CPSF6: variants seen among roughly 807,000 people sequenced by gnomAD.
The protein encoded by CPSF6 is cleavage and polyadenylation specificity factor subunit 6.
CPSF6 carries 10 observed loss-of-function variants against 56.7 expected under a neutral mutation model. The observed-to-expected ratio is 0.18, with a 90% CI of 0.11 to 0.30. The LOEUF is 0.30. Among genes scored for constraint, CPSF6 ranks in the 10% least tolerant of loss-of-function variants. The pLI is 1.00. For synonymous variants in CPSF6, 248 were observed against 244.8 expected (o/e 1.01, Z -0.12); for missense variants, 419 against 722.9 (o/e 0.58, Z 4.82).
In CPSF6 at chr12:69,270,872, A is replaced by G. The variant is rs1873208699; in HGVS notation, c.*1364A>G. On this transcript the variant is annotated 3_prime_UTR_variant, in exon 10 of 10. Transcript: ENST00000435070. ...TCACTACTTCAGAAATTTGACTTAA[A>G]ATTCTTGAGCACGTTAATATGTTTT... 1 of 151,732 alleles carries G rather than the reference A, an allele frequency of 6.6e-6. No homozygotes were observed. The highest frequency in any genetic ancestry group is 1.5e-5 in the Non-Finnish European group (1 of 67,696). The allele number at this position is 151,732 out of a possible 1,614,324, so 9.4% of individuals were successfully genotyped here.
At chr12:69,257,572 G>A (rs991043504) in intron 4 of CPSF6, among the ~76,000 whole-genome samples, 160 bp from the exon 5 acceptor site, 11 of 152,200 alleles carry the variant, frequency 7.2e-5, no homozygotes, top group Non-Finnish European at 2.9e-5. Flanking sequence ...CCAAATAGAT[G>A]TGAATGTTTT....
At chr12:69,248,503 A>G (rs1592794830) in intron 1 of CPSF6, among the ~76,000 whole-genome samples, 1 of 152,236 alleles carries the variant, frequency 6.6e-6, no homozygotes, top group Non-Finnish European at 1.5e-5. Flanking sequence ...GCATGGAACT[A>G]CTGCTGCAGC....
intron 1 of CPSF6, among the ~76,000 whole-genome samples, chr12:69,243,030 C>T (rs1216443268): frequency 6.6e-6 from 1 of 152,086 alleles, no homozygotes; most frequent in African/African-American, 2.4e-5. Flanking sequence ...TCGCTTGAAC[C>T]TGGGAGGCAG....
chr12:69,266,222 C>G (rs561302476), intron 9 of CPSF6, among the ~76,000 whole-genome samples: 2 of 152,156 alleles, frequency 1.3e-5, no homozygotes, highest in Admixed American at 6.5e-5. Context: ...GTTATAGCTC[C>G]CAGCCCTGTT....
chr12:69,250,981 C>A, intron 1 of CPSF6, 148 bp from the exon 2 acceptor site: 1 of 763,132 alleles, frequency 1.3e-6, no homozygotes, highest in Non-Finnish European at 2.1e-6. Flanking sequence ...AAGAATACAT[C>A]TATTGCATAA....
Position 69,258,104 on chromosome 12 carries a change from T to C in CPSF6, c.694+199T>C. On this transcript the variant is annotated intron_variant, in intron 5 of 9. Coordinates refer to ENST00000435070, the MANE Select transcript of CPSF6 (RefSeq NM_007007.3). This position sits in a 1 kb window ranked among gnomAD's most constrained non-coding sequence, Gnocchi z 4.2. The stretch of plus-strand genomic sequence containing the variant: ...CTGGAAACTAGGATTCCATGGCATA[T>C]GGGGCACAGCATAGAGGAAATACCC... 6.5e-7 allele frequency: 1 copy of C among 1,536,388 alleles called. No homozygotes were observed. Among genetic ancestry groups the C allele is most frequent in the Non-Finnish European group, 8.7e-7 (1 of 1,146,736 alleles).
At chr12:69,244,543 T>A (rs1261385938) in intron 1 of CPSF6, among the ~76,000 whole-genome samples, 2 of 149,496 alleles carry the variant, frequency 1.3e-5, no homozygotes, top group East Asian at 1.9e-4. Context: ...TTCTATTAAA[T>A]TTTTTTTTTT....
chr12:69,248,322 T>C (rs1267104561), intron 1 of CPSF6, among the ~76,000 whole-genome samples: 34 of 152,044 alleles, frequency 2.2e-4, no homozygotes, highest in Non-Finnish European at 5.9e-5. Context: ...CCTTCCATTC[T>C]TTTTTACTTT....
rs1168569905 is a variant in CPSF6 at position 69,241,540 on chromosome 12, G to A, written c.60+1834G>A. ...AATTTTAGAAGTTAAGCTTTTTTCAGTACCTCTTAATGAAATATTTTTAGG... is the reference window on the plus strand; with the variant it reads ...AATTTTAGAAGTTAAGCTTTTTTCAATACCTCTTAATGAAATATTTTTAGG... On this transcript the variant is annotated intron_variant, in intron 1 of 9. Transcript: ENST00000435070. Among the ~76,000 whole-genome samples the A allele has an allele frequency of 3.3e-5, 5 of 152,244 alleles. No individual in the cohort carries two copies. The East Asian group carries it at 9.6e-4, about 29-fold the overall frequency.
intron 1 of CPSF6, among the ~76,000 whole-genome samples, chr12:69,250,136 A>T (rs1565644530): frequency 6.6e-6 from 1 of 151,628 alleles, no homozygotes; most frequent in Admixed American, 6.6e-5. Flanking sequence ...ACATACCCAT[A>T]TTTCTTCTTT....
chr12:69,256,117 G>C (rs1244465204), intron 3 of CPSF6, among the ~76,000 whole-genome samples: 1 of 152,172 alleles, frequency 6.6e-6, no homozygotes, highest in Admixed American at 6.5e-5. Flanking sequence ...AAGAAGGCTG[G>C]TCACAAGGGA....
At chr12:69,252,259 C>T in intron 2 of CPSF6, 1 of 281,198 alleles carries the variant, frequency 3.6e-6, no homozygotes, top group South Asian at 2.7e-5. Context: ...AAAACAAACA[C>T]TTTTGTAGAG....
At chr12:69,260,266 A>G in intron 8 of CPSF6, 69 bp downstream of exon 8, 1 of 1,232,774 alleles carries the variant, frequency 8.1e-7, no homozygotes, top group Non-Finnish European at 1.1e-6. Flanking sequence ...ATACTGTGAG[A>G]CTTTAAAAGG....
Position 69,248,414 on chromosome 12 carries a change from A to G in CPSF6, c.61-2715A>G, listed in dbSNP as rs1016961010. ...CCCTTTGAATAATATTAGTAATTCT[A>G]CTTGATGTTCAGAACCGGATTGCAA... On this transcript the variant is annotated intron_variant, in intron 1 of 9. Transcript: ENST00000435070. 3.0e-4 allele frequency among the ~76,000 whole-genome samples: 45 copies of G among 152,198 alleles called. 2 individuals are homozygous for G. Among genetic ancestry groups the G allele is most frequent in the Non-Finnish European group, 4.4e-5 (3 of 68,024 alleles).
chr12:69,251,090 G>T, intron 1 of CPSF6, 39 bp from the exon 2 acceptor site: 2 of 1,558,902 alleles, frequency 1.3e-6, no homozygotes, highest in Non-Finnish European at 8.7e-7. Flanking sequence ...GTAGTATTTT[G>T]ACTTTTGTAT....
At chr12:69,260,607 C>T (rs185341107) in intron 8 of CPSF6, among the ~76,000 whole-genome samples, 3 of 152,302 alleles carry the variant, frequency 2.0e-5, no homozygotes, top group East Asian at 1.9e-4. Context: ...TTATTCTTCA[C>T]GTCTCATTCT....
chr12:69,267,267 CAG>C (rs1449179098), intron 9 of CPSF6, among the ~76,000 whole-genome samples: 1 of 151,932 alleles, frequency 6.6e-6, no homozygotes, highest in African/African-American at 2.4e-5. Context: ...AAATTTCTAA[CAG>C]AAACAGTTAT....
At chr12:69,261,608 G>T (rs936130812) in intron 8 of CPSF6, among the ~76,000 whole-genome samples, 2 of 150,230 alleles carry the variant, frequency 1.3e-5, no homozygotes, top group Admixed American at 1.3e-4. Context: ...CTTGATCAAG[G>T]ATTTTAGCAC....
rs1020110268 is a variant in CPSF6 at position 69,270,575 on chromosome 12, G to T, written c.*1067G>T. On this transcript the variant is annotated 3_prime_UTR_variant, in exon 10 of 10. Coordinates refer to ENST00000435070, the MANE Select transcript of CPSF6 (RefSeq NM_007007.3). ...TTCCAATTGGTATAAATTTTTGAAGGATGTGATGTTCATTAACATTCGGTT... is the reference window on the plus strand; with the variant it reads ...TTCCAATTGGTATAAATTTTTGAAGTATGTGATGTTCATTAACATTCGGTT... The T allele has an allele frequency of 6.6e-6, 1 of 151,724 alleles. No individual in the cohort carries two copies. Among genetic ancestry groups the T allele is most frequent in the Non-Finnish European group, 1.5e-5 (1 of 67,696 alleles). 9.4% of individuals were successfully genotyped at this position (151,724 alleles called of 1,614,324 possible). A position where few individuals can be genotyped will look rare whatever the true frequency, so the allele number is the denominator to read the frequency against.
Sources: gnomAD v4.1 joint callset for allele counts (sites outside exome capture counted in the v4.1 genomes callset) on GRCh38, gnomAD v4.1.1 for gene constraint, Gnocchi (gnomAD v3.1) non-coding constraint, MANE v1.5 for transcripts, NCBI Gene and HGNC (gene_info 2026-07-23, HGNC 2026-07-21) for gene names.